CDH12: variants seen among roughly 807,000 people sequenced by gnomAD.
CDH12 encodes the protein cadherin 12.
CDH12 carries 41 observed loss-of-function variants against 74.1 expected under a neutral mutation model. The ratio of observed to expected loss-of-function variants is 0.55; its 90% CI spans 0.43 to 0.72. The LOEUF is 0.72. Among genes scored for constraint, CDH12 ranks in the 30% least tolerant of loss-of-function variants. CDH12 has a pLI of 0.00. For synonymous variants in CDH12, 399 were observed against 355.0 expected, an observed-to-expected ratio of 1.12 and a Z score of -1.39; for missense variants, 945 against 977.2, an observed-to-expected ratio of 0.97 and a Z score of 0.44.
rs1399787768 is a variant in CDH12, at chr5:22,357,619, C to T, written c.-333+47638G>A. The stretch of plus-strand genomic sequence containing the variant: ...CACTTTTGTATTAATTTAAGTAAAA[C>T]GCATTGGATTGATATAAGAAAGTTC... On this transcript the variant is annotated intron_variant, in intron 3 of 14. Transcript: ENST00000382254. 3.9e-5 allele frequency among the ~76,000 whole-genome samples: 6 copies of T among 151,974 alleles called. No individual in the cohort carries two copies. The South Asian group carries it at 6.2e-4, about 16-fold the overall frequency.
At chr5:22,611,717 C>T (rs1435382925) in intron 1 of CDH12, among the ~76,000 whole-genome samples, 3 of 152,136 alleles carry the variant, frequency 2.0e-5, no homozygotes, top group Non-Finnish European at 4.4e-5. Flanking sequence ...GCATGCCTAT[C>T]ACCCAGTCTC....
chr5:22,441,063 G>A (rs1744604836), intron 2 of CDH12, among the ~76,000 whole-genome samples: 3 of 152,148 alleles, frequency 2.0e-5, no homozygotes. Context: ...TTTCAGGACA[G>A]AAAGAGTACA....
At position 22,286,525 on chromosome 5, in the gene CDH12, C is replaced by A. The variant is rs577621604; in HGVS notation, c.-332-73882G>T. Reference sequence around the variant, plus strand: ...ATTGTTAAATGGTCAAGGTGAGGAACAAAAGTAATATCCATTTTTTTGTGT... The same window carrying A: ...ATTGTTAAATGGTCAAGGTGAGGAAAAAAAGTAATATCCATTTTTTTGTGT... On this transcript the variant is annotated intron_variant, in intron 3 of 14. Transcript: ENST00000382254. 1.1e-4 allele frequency among the ~76,000 whole-genome samples: 17 copies of A among 152,212 alleles called. No individual in the cohort carries two copies. In the South Asian group the frequency reaches 3.5e-3, roughly 32 times the overall value.
At chr5:22,759,811 G>A (rs1324364320) in intron 1 of CDH12, among the ~76,000 whole-genome samples, 1 of 152,156 alleles carries the variant, frequency 6.6e-6, no homozygotes, top group African/African-American at 2.4e-5. Flanking sequence ...ATGCAGTTGT[G>A]GATGCTGGAT....
At chr5:21,951,817 G>A (rs1755875432) in intron 6 of CDH12, among the ~76,000 whole-genome samples, 1 of 152,178 alleles carries the variant, frequency 6.6e-6, no homozygotes, top group Admixed American at 6.5e-5. Context: ...GGAAGAACAT[G>A]TCTCTCAAAT....
At chr5:22,147,685 G>C (rs1376024513) in intron 4 of CDH12, among the ~76,000 whole-genome samples, 1 of 151,964 alleles carries the variant, frequency 6.6e-6, no homozygotes, top group Non-Finnish European at 1.5e-5. Flanking sequence ...ATCTTACATG[G>C]TGGCAGGCAA....
chr5:22,319,924 TA>T (rs960733028), intron 3 of CDH12, among the ~76,000 whole-genome samples: 2 of 150,764 alleles, frequency 1.3e-5, no homozygotes, highest in African/African-American at 4.9e-5. Flanking sequence ...GGAAGAAGGA[TA>T]AAAAGGGGAA....
intron 3 of CDH12, among the ~76,000 whole-genome samples, chr5:22,364,159 AT>A (rs1450163388): frequency 6.6e-6 from 1 of 152,194 alleles, no homozygotes; most frequent in Non-Finnish European, 1.5e-5. Flanking sequence ...TAAAAAAGGT[AT>A]TGCATGACAC....
In CDH12 at chr5:22,489,056, C is replaced by CT. The variant is rs10685463; in HGVS notation, c.-428+16213dup. Among the ~76,000 whole-genome samples the CT allele has an allele frequency of 4.1e-3, 153 of 37,330 alleles. 43 individuals carry two copies. The highest frequency in any genetic ancestry group is 0.043 in the Middle Eastern group (2 of 46). The allele number at this position is 37,330 out of a possible 152,430, so 24.5% of individuals were successfully genotyped here. Reference sequence around the variant, plus strand: ...AGTAATTGCAGTTTTTTGGTACCACCTTTTTTTTTTTTTTTTTTTGAGACA... The same window carrying CT: ...AGTAATTGCAGTTTTTTGGTACCACCTTTTTTTTTTTTTTTTTTTTGAGACA... On this transcript the variant is annotated intron_variant, in intron 2 of 14. Coordinates refer to ENST00000382254, the MANE Select transcript of CDH12 (RefSeq NM_004061.5).
chr5:21,799,593 A>C (rs1195271789), intron 10 of CDH12, among the ~76,000 whole-genome samples: 2 of 152,182 alleles, frequency 1.3e-5, no homozygotes, highest in Non-Finnish European at 2.9e-5. Flanking sequence ...CTGGTACTAA[A>C]GAAAACAGAA....
intron 1 of CDH12, among the ~76,000 whole-genome samples, chr5:22,661,678 A>C (rs1740356237): frequency 6.6e-6 from 1 of 152,142 alleles, no homozygotes; most frequent in African/African-American, 2.4e-5. Flanking sequence ...TAAGATTGTT[A>C]AATAAATTTC....
intron 1 of CDH12, among the ~76,000 whole-genome samples, chr5:22,776,445 G>A (rs1354777092): frequency 1.3e-5 from 2 of 152,112 alleles, no homozygotes; most frequent in African/African-American, 2.4e-5. Flanking sequence ...GTGTGCATGT[G>A]TATAGAATTG....
At chr5:22,128,199 C>A (rs1745988897) in intron 4 of CDH12, among the ~76,000 whole-genome samples, 1 of 151,950 alleles carries the variant, frequency 6.6e-6, no homozygotes, top group Non-Finnish European at 1.5e-5. Context: ...CTGATCTTGA[C>A]CAGAAATGAT....
intron 1 of CDH12, among the ~76,000 whole-genome samples, chr5:22,656,937 T>C (rs890894470): frequency 6.6e-6 from 1 of 152,014 alleles, no homozygotes; most frequent in African/African-American, 2.4e-5. Flanking sequence ...CCTGGGTTCA[T>C]GTGATCCTCC....
chr5:22,687,600 C>T (rs1477354075), intron 1 of CDH12, among the ~76,000 whole-genome samples: 3 of 151,904 alleles, frequency 2.0e-5, no homozygotes, highest in Non-Finnish European at 2.9e-5. Flanking sequence ...TTTTTTGTAG[C>T]GATGGGGATT....
chr5:22,830,407 C>T (rs2126498034), intron 1 of CDH12, among the ~76,000 whole-genome samples: 1 of 151,908 alleles, frequency 6.6e-6, no homozygotes, highest in East Asian at 1.9e-4. Context: ...GAATATTATC[C>T]TGTACTGTGA....
At chr5:21,924,099 T>C (rs1377436553) in intron 6 of CDH12, among the ~76,000 whole-genome samples, 6 of 152,190 alleles carry the variant, frequency 3.9e-5, no homozygotes. Flanking sequence ...ACTAATGCAA[T>C]TGCTGACTCA....
At chr5:21,855,619 CATATAT>C (rs773361905) in intron 6 of CDH12, among the ~76,000 whole-genome samples, 1 of 150,840 alleles carries the variant, frequency 6.6e-6, no homozygotes, top group African/African-American at 2.4e-5. Flanking sequence ...ATAAAATAGA[CATATAT>C]ATATATGTAT....
At chr5:22,417,324 T>C (rs1391711203) in intron 2 of CDH12, among the ~76,000 whole-genome samples, 1 of 152,142 alleles carries the variant, frequency 6.6e-6, no homozygotes, top group Non-Finnish European at 1.5e-5. Flanking sequence ...GGTGATTAGG[T>C]TATGAGGGTC....
Sources: allele counts gnomAD v4.1 joint callset (sites outside exome capture counted in the v4.1 genomes callset), GRCh38; gene constraint gnomAD v4.1.1; transcripts MANE v1.5; gene names NCBI Gene and HGNC (gene_info 2026-07-23, HGNC 2026-07-21).